CNTN4: variants seen among roughly 807,000 people sequenced by gnomAD.
CNTN4 encodes contactin 4, also known as contactin-4.
Under a neutral mutation model 122.5 loss-of-function variants are expected in CNTN4, and 77 were observed. The ratio of observed to expected loss-of-function variants is 0.63; its 90% CI spans 0.52 to 0.76. The LOEUF is 0.76. CNTN4 is among the 30% of genes least tolerant of loss of function. The pLI, the probability that CNTN4 is intolerant of heterozygous loss-of-function variation, is 0.00. For synonymous variants in CNTN4, 512 were observed against 447.0 expected, an observed-to-expected ratio of 1.15 and a Z score of -1.83; for missense variants, 1,256 against 1,259.1, an observed-to-expected ratio of 1.00 and a Z score of 0.04.
chr3:3,048,571 C>A (rs1700924876), intron 23 of CNTN4, among the ~76,000 whole-genome samples: 1 of 151,470 alleles, frequency 6.6e-6, no homozygotes, highest in Admixed American at 6.6e-5. Flanking sequence ...TGTGTGGTAC[C>A]TCCCGTGATA....
chr3:2,418,733 G>A (rs1460312793), intron 3 of CNTN4, among the ~76,000 whole-genome samples: 3 of 152,050 alleles, frequency 2.0e-5, no homozygotes, highest in Non-Finnish European at 4.4e-5. Context: ...GTTATATTAA[G>A]AAAAAATAAT....
At chr3:2,194,877 C>G (rs555531664) in intron 2 of CNTN4, among the ~76,000 whole-genome samples, 2 of 152,292 alleles carry the variant, frequency 1.3e-5, no homozygotes, top group Admixed American at 6.5e-5. Context: ...TTTCAGACTT[C>G]TAGCCTCTGG....
At chr3:2,484,917 C>T (rs1166428026) in intron 3 of CNTN4, among the ~76,000 whole-genome samples, 3 of 152,196 alleles carry the variant, frequency 2.0e-5, no homozygotes, top group Admixed American at 6.5e-5. Context: ...GTGCGAGAGG[C>T]ACGGGCGGGA....
chr3:2,592,373 A>G (rs1329184358), intron 4 of CNTN4, among the ~76,000 whole-genome samples: 1 of 152,224 alleles, frequency 6.6e-6, no homozygotes, highest in Admixed American at 6.5e-5. Flanking sequence ...CAAAGTGTTT[A>G]AGTTTTCTGA....
chr3:2,598,283 A>G (rs1240728503), intron 4 of CNTN4, among the ~76,000 whole-genome samples: 1 of 152,054 alleles, frequency 6.6e-6, no homozygotes, highest in Non-Finnish European at 1.5e-5. Context: ...GTAGTTCCAC[A>G]CTCCGTAAAT....
At chr3:2,725,132 C>A (rs78226939) in intron 4 of CNTN4, among the ~76,000 whole-genome samples, 19,016 of 152,190 alleles carry the variant, frequency 0.12, 1,514 homozygotes, top group East Asian at 0.41. Context: ...AGAGGCATTT[C>A]CAGCATTTGA....
intron 4 of CNTN4, among the ~76,000 whole-genome samples, chr3:2,646,766 C>T (rs2083140815): frequency 6.6e-6 from 1 of 152,186 alleles, no homozygotes; most frequent in African/African-American, 2.4e-5. Context: ...CCCTGGTTTT[C>T]AGATGATCAC....
At chr3:2,406,538 T>G (rs2047043695) in intron 3 of CNTN4, among the ~76,000 whole-genome samples, 1 of 152,196 alleles carries the variant, frequency 6.6e-6, no homozygotes, top group Non-Finnish European at 1.5e-5. Context: ...TTATGTAAGG[T>G]ATGAACCTTG....
At chr3:2,661,948 T>C (rs1373515579) in intron 4 of CNTN4, among the ~76,000 whole-genome samples, 1 of 152,048 alleles carries the variant, frequency 6.6e-6, no homozygotes, top group African/African-American at 2.4e-5. Context: ...CCCAACCCCC[T>C]GCCACCTTTT....
chr3:2,787,260 C>T (rs1305934631), intron 6 of CNTN4, among the ~76,000 whole-genome samples: 1 of 152,068 alleles, frequency 6.6e-6, no homozygotes. Flanking sequence ...CCTGTAGTCC[C>T]AGCTACTTGG....
At chr3:2,267,158 AC>A (rs368397633) in intron 2 of CNTN4, among the ~76,000 whole-genome samples, 5 of 152,176 alleles carry the variant, frequency 3.3e-5, no homozygotes, top group African/African-American at 9.6e-5. Flanking sequence ...GTGCCAACTT[AC>A]GATTGTGGTG....
chr3:2,277,460 G>A (rs138089142), intron 2 of CNTN4, among the ~76,000 whole-genome samples: 11 of 152,210 alleles, frequency 7.2e-5, no homozygotes, highest in Non-Finnish European at 1.5e-4. Context: ...AAAAAGGAAT[G>A]CAGTTTTCAG....
rs991717308 is a variant in CNTN4, at chr3:2,385,469, C to A, written c.-89+46236C>A. Among the ~76,000 whole-genome samples the A allele has an allele frequency of 1.4e-4, 22 of 152,104 alleles. No individual in the cohort carries two copies. Among genetic ancestry groups the A allele is most frequent in the African/African-American group, 3.6e-4 (15 of 41,532 alleles). On this transcript the variant is annotated intron_variant, in intron 3 of 24. Transcript: ENST00000418658. This position sits in a 1 kb window ranked among gnomAD's most constrained non-coding sequence, Gnocchi z 4.0. ...TGCTTGTATTAGTTTCTTAGGACTG[C>A]CACAGCAAAGTACCATACACAGGGT...
intron 19 of CNTN4, chr3:3,039,685 GGAA>G (rs2125754663): frequency 7.3e-6 from 2 of 273,882 alleles, no homozygotes; most frequent in South Asian, 9.0e-5. Context: ...ATTTGGCAAT[GGAA>G]GAAGATTAGT....
At chr3:2,458,169 C>A (rs1021301358) in intron 3 of CNTN4, among the ~76,000 whole-genome samples, 1 of 152,116 alleles carries the variant, frequency 6.6e-6, no homozygotes, top group Admixed American at 6.6e-5. Context: ...AATTTATTAG[C>A]TGGAGATGTG....
intron 2 of CNTN4, among the ~76,000 whole-genome samples, chr3:2,183,251 A>C (rs2037099253): frequency 6.6e-6 from 1 of 152,156 alleles, no homozygotes. Context: ...ATTAATTTTA[A>C]CAGCTTTGGA....
At chr3:2,424,604 T>C (rs2047746253) in intron 3 of CNTN4, among the ~76,000 whole-genome samples, 1 of 152,200 alleles carries the variant, frequency 6.6e-6, no homozygotes, top group Admixed American at 6.5e-5. Context: ...CTGGATCAAA[T>C]GGTATTTCTA....
chr3:2,600,185 T>C (rs891074182), intron 4 of CNTN4, among the ~76,000 whole-genome samples: 7 of 151,956 alleles, frequency 4.6e-5, no homozygotes, highest in African/African-American at 1.7e-4. Flanking sequence ...AATTATATGA[T>C]TGTTAGACCT....
chr3:2,460,377 T>A (rs1428585380), intron 3 of CNTN4, among the ~76,000 whole-genome samples: 1 of 152,124 alleles, frequency 6.6e-6, no homozygotes, highest in Non-Finnish European at 1.5e-5. Context: ...ATATGCTTAT[T>A]CTGGAACTCC....
Sources: allele counts gnomAD v4.1 joint callset (sites outside exome capture counted in the v4.1 genomes callset), GRCh38; gene constraint gnomAD v4.1.1; non-coding constraint Gnocchi (gnomAD v3.1); transcripts MANE v1.5; gene names NCBI Gene and HGNC (gene_info 2026-07-23, HGNC 2026-07-21).